PGAM1: variants seen among roughly 807,000 people sequenced by gnomAD.
PGAM1 encodes the protein phosphoglycerate mutase 1, also known as BPG-dependent PGAM 1.
A neutral mutation model predicts 23.5 loss-of-function variants in PGAM1; 21 were observed. The ratio of observed to expected loss-of-function variants is 0.89; its 90% CI spans 0.63 to 1.29. The LOEUF is 1.29. Ranked by LOEUF, PGAM1 falls within the 50% of genes most tolerant of loss-of-function variation. PGAM1 has a pLI of 0.00. For synonymous variants in PGAM1, 109 were observed against 128.6 expected (o/e 0.85, Z 1.03); for missense variants, 232 against 336.3 (o/e 0.69, Z 2.42).
intron 1 of PGAM1, among the ~76,000 whole-genome samples, chr10:97,428,468 G>C (rs949062394): frequency 3.3e-5 from 5 of 152,196 alleles, no homozygotes; most frequent in African/African-American, 1.2e-4. Flanking sequence ...CTATGTTTTA[G>C]TTTGATGGGC....
chr10:97,430,788 A>G, intron 2 of PGAM1, 135 bp downstream of exon 2: 3 of 1,467,678 alleles, frequency 2.0e-6, no homozygotes, highest in Non-Finnish European at 2.8e-6. Context: ...AATGACCTTC[A>G]CTTACTAGAA....
Position 97,430,043 on chromosome 10 carries a change from CAAAAAAAA to C in PGAM1, c.140-324_140-317del, listed in dbSNP as rs71814636. Reference sequence around the variant, plus strand: ...CCTGGGTGACAGTGAGACTCCGTCTCAAAAAAAAAAAAAAAAAAAGAAAAGAAAAAGTG... The same window carrying C: ...CCTGGGTGACAGTGAGACTCCGTCTCAAAAAAAAAAAGAAAAGAAAAAGTG... On this transcript the variant is annotated intron_variant, in intron 1 of 3. Transcript: ENST00000334828. 4.3e-4 allele frequency among the ~76,000 whole-genome samples: 30 copies of C among 69,838 alleles called. 1 individual carries two copies. Among genetic ancestry groups the C allele is most frequent in the African/African-American group, 1.4e-3 (30 of 21,298 alleles). The allele number at this position is 69,838 out of a possible 152,430, so 45.8% of individuals were successfully genotyped here. A position where few individuals can be genotyped will look rare whatever the true frequency, so the allele number is the denominator to read the frequency against.
At chr10:97,426,531 A>G (rs1017162739) in intron 1 of PGAM1, 85 bp downstream of exon 1, 1 of 1,455,236 alleles carries the variant, frequency 6.9e-7, no homozygotes, top group Non-Finnish European at 9.1e-7. Flanking sequence ...CCTCTCGGAG[A>G]GGGCCGGCAC....
intron 1 of PGAM1, chr10:97,428,037 AG>A: frequency 1.2e-6 from 1 of 836,278 alleles, no homozygotes; most frequent in Non-Finnish European, 1.7e-6. Context: ...GTGCTGGTAA[AG>A]GAGGCCATTT....
chr10:97,432,250 AT>A, intron 3 of PGAM1, 104 bp from the exon 4 acceptor site: 1 of 1,470,572 alleles, frequency 6.8e-7, no homozygotes, highest in Non-Finnish European at 9.5e-7. Context: ...AGGGTGTCTT[AT>A]TTTAATTTCT....
rs960138623 is a variant in PGAM1, at chr10:97,426,213, C to G, written c.-95C>G. On this transcript the variant is annotated 5_prime_UTR_variant, in exon 1 of 4. Coordinates refer to ENST00000334828, the MANE Select transcript of PGAM1 (RefSeq NM_002629.4). ...GGCGAGAACTTGCGCGGGAGCCGGA[C>G]TGAGCGGTGCGAGCGCGCAGGCGCG... 7.8e-5 allele frequency: 123 copies of G among 1,578,482 alleles called. No individual in the cohort carries two copies. The highest frequency in any genetic ancestry group is 1.1e-4 in the Non-Finnish European group (122 of 1,154,068).
chr10:97,427,876 C>CT (rs773839059), intron 1 of PGAM1: 151 of 1,289,208 alleles, frequency 1.2e-4, no homozygotes, highest in Admixed American at 1.6e-4. Flanking sequence ...CTCCTAGCTT[C>CT]TTGCCTTCAC....
intron 1 of PGAM1, among the ~76,000 whole-genome samples, chr10:97,426,924 C>T (rs1209794559): frequency 1.3e-5 from 2 of 152,190 alleles, no homozygotes; most frequent in African/African-American, 4.8e-5. Context: ...ATCCCAGCTA[C>T]TCGGGAGGCT....
rs899160545 is a variant in PGAM1 at position 97,426,305 on chromosome 10, G to T, written c.-3G>T. On this transcript the variant is annotated 5_prime_UTR_variant, in exon 1 of 4. Transcript: ENST00000334828. ...GTCGGTGCCGCATCCCCAGCCCGCC[G>T]CCATGGCCGCCTACAAACTGGTGCT... 1.4e-5 allele frequency: 22 copies of T among 1,610,168 alleles called. No individual in the cohort carries two copies. The highest frequency in any genetic ancestry group is 2.2e-4 in the Middle Eastern group (1 of 4,562).
At position 97,430,577 on chromosome 10, in the gene PGAM1, A is replaced by C. The variant is rs758111133; in HGVS notation, c.338A>C (p.Lys113Thr). ...TAAKHGEAQVKIWRRSYDVPP... is the reference protein window; with the variant it reads ...TAAKHGEAQVTIWRRSYDVPP... Reference sequence around the variant, plus strand: ...GCAAAGCATGGTGAGGCCCAGGTGAAGATCTGGAGGCGCTCCTATGATGTC... The same window carrying C: ...GCAAAGCATGGTGAGGCCCAGGTGACGATCTGGAGGCGCTCCTATGATGTC... The change falls in exon 2 of 4, where the codon AAG becomes ACG. Residue 113 changes from lysine to threonine, a missense_variant. Coordinates refer to ENST00000334828, the MANE Select transcript of PGAM1 (RefSeq NM_002629.4). 39 of 1,601,346 alleles carry C rather than the reference A, an allele frequency of 2.4e-5. No homozygotes were observed. The highest frequency in any genetic ancestry group is 3.2e-5 in the Non-Finnish European group (38 of 1,179,938).
rs1229714451 is a variant in PGAM1, at chr10:97,430,035, C to G, written c.140-344C>G. 2.1e-5 allele frequency among the ~76,000 whole-genome samples: 3 copies of G among 141,560 alleles called. No homozygotes were observed. The East Asian group carries it at 6.1e-4, about 29-fold the overall frequency. The allele number at this position is 141,560 out of a possible 152,430, so 92.9% of individuals were successfully genotyped here. On this transcript the variant is annotated intron_variant, in intron 1 of 3. Coordinates refer to ENST00000334828, the MANE Select transcript of PGAM1 (RefSeq NM_002629.4). ...CACTCCAGCCTGGGTGACAGTGAGA[C>G]TCCGTCTCAAAAAAAAAAAAAAAAA...
chr10:97,426,261 C>G lies in PGAM1; in HGVS notation c.-47C>G. On this transcript the variant is annotated 5_prime_UTR_variant, in exon 1 of 4. Transcript: ENST00000334828. Reference sequence around the variant, plus strand: ...GCGGCCGACGGGGCGGGCTGCTACTCCGGAATCTGCTAATCCCAGTCGGTG... The same window carrying G: ...GCGGCCGACGGGGCGGGCTGCTACTGCGGAATCTGCTAATCCCAGTCGGTG... The G allele has an allele frequency of 6.2e-7, 1 of 1,609,514 alleles. No homozygotes were observed. Among genetic ancestry groups the G allele is most frequent in the East Asian group, 2.2e-5 (1 of 44,806 alleles).
intron 1 of PGAM1, chr10:97,427,747 G>C: frequency 7.8e-7 from 1 of 1,280,426 alleles, no homozygotes; most frequent in South Asian, 1.3e-5. Context: ...CTGGACTGAA[G>C]AGGTGCTTCC....
chr10:97,431,866 TGA>T (rs1227249327), intron 3 of PGAM1, among the ~76,000 whole-genome samples: 5 of 149,748 alleles, frequency 3.3e-5, no homozygotes, highest in Non-Finnish European at 7.4e-5. Context: ...CTAGCCTGGG[TGA>T]GAGAGTAAGA....
At chr10:97,428,003 T>G in intron 1 of PGAM1, 1 of 1,151,990 alleles carries the variant, frequency 8.7e-7, no homozygotes, top group South Asian at 1.3e-5. Flanking sequence ...ACCTCATCTT[T>G]TAGGAGAGGC....
intron 3 of PGAM1, among the ~76,000 whole-genome samples, chr10:97,431,451 A>G (rs1265965798): frequency 2.0e-5 from 3 of 152,150 alleles, no homozygotes; most frequent in Non-Finnish European, 2.9e-5. Flanking sequence ...GCTCACCTCT[A>G]GATTGGTATT....
chr10:97,430,227 G>C, intron 1 of PGAM1, 152 bp from the exon 2 acceptor site: 2 of 892,820 alleles, frequency 2.2e-6, no homozygotes, highest in Non-Finnish European at 3.6e-6. Flanking sequence ...ACCTTGGATA[G>C]AGTGCAAGGA....
At chr10:97,431,317 AAT>A (rs1845469352) in intron 3 of PGAM1, among the ~76,000 whole-genome samples, 182 bp downstream of exon 3, 1 of 152,214 alleles carries the variant, frequency 6.6e-6, no homozygotes, top group Non-Finnish European at 1.5e-5. Flanking sequence ...TGATCTGCAG[AAT>A]AGTGACAGCT....
chr10:97,426,657 G>T (rs1484530720), intron 1 of PGAM1, among the ~76,000 whole-genome samples: 1 of 152,278 alleles, frequency 6.6e-6, no homozygotes, highest in East Asian at 1.9e-4. Flanking sequence ...CCAGGGGGAG[G>T]ACCCAGGGCG....
Sources: allele counts gnomAD v4.1 joint callset (sites outside exome capture counted in the v4.1 genomes callset), GRCh38; gene constraint gnomAD v4.1.1; transcripts MANE v1.5; gene names NCBI Gene and HGNC (gene_info 2026-07-23, HGNC 2026-07-21).